SLC35E2B: variants seen among roughly 807,000 people sequenced by gnomAD.
The protein encoded by SLC35E2B is solute carrier family 35 member E2B.
Under a neutral mutation model 32.4 loss-of-function variants are expected in SLC35E2B, and 18 were observed. That is an observed-to-expected ratio of 0.56 (90% CI 0.38 to 0.82). The LOEUF is 0.82. Ranked by LOEUF, SLC35E2B falls within the 40% of genes least tolerant of loss-of-function variation. The pLI, the probability that SLC35E2B is intolerant of heterozygous loss-of-function variation, is 0.00. For synonymous variants in SLC35E2B, 132 were observed against 209.1 expected, an observed-to-expected ratio of 0.63 and a Z score of 3.18; for missense variants, 263 against 469.5, an observed-to-expected ratio of 0.56 and a Z score of 4.06.
chr1:1,665,753 G>A lies in SLC35E2B; in HGVS notation c.*29C>T, dbSNP rs535898665. On this transcript the variant is annotated 3_prime_UTR_variant, in exon 10 of 10. Transcript: ENST00000617444. ...ATTTCTGGGGGATGCAGTGTCACGA[G>A]GACAGCAGCAGCTGGCAGCTTCCTG... 3.4e-4 allele frequency: 522 copies of A among 1,546,622 alleles called. 7 individuals are homozygous for A. The South Asian group carries it at 5.3e-3, about 16-fold the overall frequency.
intron 2 of SLC35E2B, among the ~76,000 whole-genome samples, chr1:1,690,640 G>A (rs1175840772): frequency 3.3e-5 from 4 of 120,206 alleles, no homozygotes; most frequent in Non-Finnish European, 5.1e-5. Flanking sequence ...GCAGGAGGCT[G>A]AGGCAGCAGA....
chr1:1,671,456 G>A (rs1320111887), intron 6 of SLC35E2B, 53 bp downstream of exon 6: 1 of 1,362,462 alleles, frequency 7.3e-7, no homozygotes, highest in African/African-American at 1.5e-5. Context: ...ACACCCAGAT[G>A]CAGGTGAGCA....
chr1:1,675,406 G>A (rs921657786), intron 5 of SLC35E2B, 57 bp downstream of exon 5: 14 of 1,585,742 alleles, frequency 8.8e-6, no homozygotes, highest in African/African-American at 8.1e-5. Flanking sequence ...CGGGCACCAC[G>A]GATGGAGGCC....
At chr1:1,685,063 C>T (rs776552788) in intron 2 of SLC35E2B, among the ~76,000 whole-genome samples, 51 of 150,368 alleles carry the variant, frequency 3.4e-4, no homozygotes, top group Non-Finnish European at 4.9e-4. Flanking sequence ...GCCAAGATTG[C>T]GCCATTGCAC....
At chr1:1,686,433 G>A (rs897969884) in intron 2 of SLC35E2B, among the ~76,000 whole-genome samples, 3 of 150,370 alleles carry the variant, frequency 2.0e-5, no homozygotes. Flanking sequence ...GAAGCGAGAT[G>A]CAAACACGAA....
At chr1:1,686,660 G>A (rs1178639743) in intron 2 of SLC35E2B, among the ~76,000 whole-genome samples, 3 of 152,012 alleles carry the variant, frequency 2.0e-5, no homozygotes, top group Non-Finnish European at 4.4e-5. Context: ...CAGCTACTCG[G>A]GAGGCTGAGG....
intron 2 of SLC35E2B, among the ~76,000 whole-genome samples, chr1:1,677,594 C>T (rs1643864683): frequency 6.6e-6 from 1 of 151,604 alleles, no homozygotes; most frequent in Non-Finnish European, 1.5e-5. Context: ...TCTCCTGCCT[C>T]AGGCTCCCGA....
intron 2 of SLC35E2B, among the ~76,000 whole-genome samples, chr1:1,687,879 C>T (rs778928344): frequency 9.9e-5 from 15 of 152,012 alleles, no homozygotes; most frequent in Non-Finnish European, 1.9e-4. Flanking sequence ...GGGCAAAGAG[C>T]GAGACTGTCT....
chr1:1,678,394 C>T (rs1192782188), intron 2 of SLC35E2B, among the ~76,000 whole-genome samples: 4 of 152,198 alleles, frequency 2.6e-5, no homozygotes, highest in Non-Finnish European at 5.9e-5. Flanking sequence ...GGAACAGGCG[C>T]TTCTGCCCTC....
intron 2 of SLC35E2B, among the ~76,000 whole-genome samples, chr1:1,678,613 A>G (rs532234204): frequency 6.6e-6 from 1 of 152,118 alleles, no homozygotes; most frequent in East Asian, 1.9e-4. Context: ...GGCCTCAGTG[A>G]GGAGAAGGCC....
At chr1:1,680,842 G>A (rs1183500801) in intron 2 of SLC35E2B, among the ~76,000 whole-genome samples, 14 of 147,988 alleles carry the variant, frequency 9.5e-5, no homozygotes, top group African/African-American at 3.5e-4. Flanking sequence ...TCGATCTGTC[G>A]CCCAGGCTGG....
At chr1:1,678,574 C>G (rs947715033) in intron 2 of SLC35E2B, among the ~76,000 whole-genome samples, 1 of 152,118 alleles carries the variant, frequency 6.6e-6, no homozygotes, top group African/African-American at 2.4e-5. Context: ...CCTCGGTGCA[C>G]CAGGACAGCT....
chr1:1,663,577 TCTC>T lies in SLC35E2B; in HGVS notation c.*2202_*2204del, dbSNP rs1412591127. 1 of 317,282 alleles carries T rather than the reference TCTC, an allele frequency of 3.2e-6. No individual in the cohort carries two copies. The highest frequency in any genetic ancestry group is 1.6e-4 in the East Asian group (1 of 6,086). 19.7% of individuals were successfully genotyped at this position (317,282 alleles called of 1,614,324 possible). ...CCTCCATCTCCGGGGTTCAAACAAT[TCTC>T]CTGCCTCAGCCTCCTGAGTATCTGG... On this transcript the variant is annotated 3_prime_UTR_variant, in exon 10 of 10. Transcript: ENST00000617444.
chr1:1,670,071 G>T, intron 7 of SLC35E2B, 27 bp downstream of exon 7: 1 of 1,538,430 alleles, frequency 6.5e-7, no homozygotes. Flanking sequence ...TTATGACTTG[G>T]AGATTTCACT....
At position 1,671,580 on chromosome 1, in the gene SLC35E2B, C is replaced by A; in HGVS notation, c.636G>T (p.Leu212=). The A allele has an allele frequency of 1.3e-6, 2 of 1,549,558 alleles. No individual in the cohort carries two copies. The highest frequency in any genetic ancestry group is 1.7e-6 in the Non-Finnish European group (2 of 1,146,102). The change falls in exon 6 of 10, where the codon CTG becomes CTT. Residue 212 remains leucine, a synonymous_variant. Coordinates refer to ENST00000617444, the MANE Select transcript of SLC35E2B (RefSeq NM_001290264.2). ...TGAAGCTGATCTCAGTGGCCGTGCA[C>A]AGCGCCAGCCCGCCCATGACTGGGA... ...SLIPVMGGLA[L]CTATEISFNV... is the part of the protein sequence containing the mutation.
At chr1:1,682,717 C>CG (rs35854546) in intron 2 of SLC35E2B, among the ~76,000 whole-genome samples, 3 of 151,924 alleles carry the variant, frequency 2.0e-5, no homozygotes, top group Non-Finnish European at 4.4e-5. Context: ...CAGGGGGTTC[C>CG]GGGGTCCTCC....
rs1035068385 is a variant in SLC35E2B at position 1,662,475 on chromosome 1, G to A, written c.*3307C>T. ...CAGAGCTCACCGGATTTGGGACAAG[G>A]ATTTTAAAGGCAGCTACAAAGCTGA... On this transcript the variant is annotated 3_prime_UTR_variant, in exon 10 of 10. Transcript: ENST00000617444. 1.3e-6 allele frequency: 1 copy of A among 775,868 alleles called. No homozygotes were observed. The highest frequency in any genetic ancestry group is 2.0e-5 in the African/African-American group (1 of 51,110). The allele number at this position is 775,868 out of a possible 1,614,324, so 48.1% of individuals were successfully genotyped here. A position where few individuals can be genotyped will look rare whatever the true frequency, so the allele number is the denominator to read the frequency against.
Position 1,670,095 on chromosome 1 carries a change from T to A in SLC35E2B, c.761+3A>T. On this transcript the variant is annotated splice_donor_region_variant and intron_variant, in intron 7 of 9. Coordinates refer to ENST00000617444, the MANE Select transcript of SLC35E2B (RefSeq NM_001290264.2). ...GGAGATTTCACTGACGAATAATACTTACGAGAACCTGTATTTGTCCCCGCT... is the reference window on the plus strand; with the variant it reads ...GGAGATTTCACTGACGAATAATACTAACGAGAACCTGTATTTGTCCCCGCT... 1 of 1,550,692 alleles carries A rather than the reference T, an allele frequency of 6.4e-7. No individual in the cohort carries two copies. The highest frequency in any genetic ancestry group is 8.7e-7 in the Non-Finnish European group (1 of 1,145,736).
chr1:1,668,685 T>C (rs1431474939), intron 8 of SLC35E2B, among the ~76,000 whole-genome samples: 3 of 152,178 alleles, frequency 2.0e-5, no homozygotes, highest in Non-Finnish European at 4.4e-5. Flanking sequence ...TTTGCACTAA[T>C]TAATTTTCAC....
Sources: allele counts gnomAD v4.1 joint callset (sites outside exome capture counted in the v4.1 genomes callset), GRCh38; gene constraint gnomAD v4.1.1; transcripts MANE v1.5; gene names NCBI Gene and HGNC (gene_info 2026-07-23, HGNC 2026-07-21).